Variants in TNNT3 observed in about 807,000 individuals in gnomAD.
TNNT3 encodes troponin T3, fast skeletal type, also known as troponin T, fast skeletal muscle.
In TNNT3, 36 loss-of-function variants were observed where a neutral mutation model predicts 54.2. The observed-to-expected ratio is 0.66, with a 90% CI of 0.51 to 0.88. The LOEUF is 0.88. Ranked by LOEUF, TNNT3 falls within the 40% of genes least tolerant of loss-of-function variation. The pLI, the probability that TNNT3 is intolerant of heterozygous loss-of-function variation, is 0.00. For missense variants in TNNT3, 291 were observed against 331.6 expected (o/e 0.88, Z 0.95); for synonymous variants, 120 against 109.7 (o/e 1.09, Z -0.59).
intron 8 of TNNT3, among the ~76,000 whole-genome samples, chr11:1,930,796 G>C (rs1853151933): frequency 6.6e-6 from 1 of 152,102 alleles, no homozygotes; most frequent in Admixed American, 6.5e-5. Context: ...AGTAATGCTG[G>C]ATCATGAGAT....
rs1854065292 is a variant in TNNT3, at chr11:1,933,619, C to T, written c.172-102C>T. The T allele has an allele frequency of 1.2e-5, 11 of 905,222 alleles. No individual in the cohort carries two copies. In the Admixed American group the frequency reaches 2.1e-4, roughly 17 times the overall value. 56.1% of individuals were successfully genotyped at this position (905,222 alleles called of 1,614,324 possible). ...ATGGTGGCCAAGGGAGTCAGGGCTTCTCTGCTGGGGCAAAGGAAGGGACCT... is the reference window on the plus strand; with the variant it reads ...ATGGTGGCCAAGGGAGTCAGGGCTTTTCTGCTGGGGCAAAGGAAGGGACCT... On this transcript the variant is annotated intron_variant, in intron 9 of 15. Transcript: ENST00000278317.
chr11:1,924,702 G>A (rs1388057986), intron 4 of TNNT3, among the ~76,000 whole-genome samples: 1 of 152,182 alleles, frequency 6.6e-6, no homozygotes, highest in Non-Finnish European at 1.5e-5. Flanking sequence ...TGCACTCAGA[G>A]CCGGGGCTTC....
In TNNT3 at chr11:1,929,234, G is replaced by T. The variant is rs1852567148; in HGVS notation, c.106+91G>T. ...ACAGGCTGGGGTCTCTCGCTGCCCTGCCTCCTCCTCCCTCTGTCCTCTTTC... is the reference window on the plus strand; with the variant it reads ...ACAGGCTGGGGTCTCTCGCTGCCCTTCCTCCTCCTCCCTCTGTCCTCTTTC... On this transcript the variant is annotated intron_variant, in intron 7 of 15. Coordinates refer to ENST00000278317, the MANE Select transcript of TNNT3 (RefSeq NM_006757.4). 4 of 1,442,432 alleles carry T rather than the reference G, an allele frequency of 2.8e-6. No individual in the cohort carries two copies. In the South Asian group the frequency reaches 4.6e-5, roughly 16 times the overall value. 89.4% of individuals were successfully genotyped at this position (1,442,432 alleles called of 1,614,324 possible).
rs1219819480 is a variant in TNNT3 at position 1,938,076 on chromosome 11, G to A, written c.723-362G>A. Reference sequence around the variant, plus strand: ...GCTCCTGGGCCCCTCAGAGGCCACCGTCTGGAGGGGCATGAGCTCTTTCAA... The same window carrying A: ...GCTCCTGGGCCCCTCAGAGGCCACCATCTGGAGGGGCATGAGCTCTTTCAA... On this transcript the variant is annotated intron_variant, in intron 15 of 15. Coordinates refer to ENST00000278317, the MANE Select transcript of TNNT3 (RefSeq NM_006757.4). The A allele has an allele frequency of 2.3e-5, 8 of 344,814 alleles. No homozygotes were observed. The East Asian group carries it at 4.5e-4, about 19-fold the overall frequency. The allele number at this position is 344,814 out of a possible 1,614,324, so 21.4% of individuals were successfully genotyped here. A position where few individuals can be genotyped will look rare whatever the true frequency, so the allele number is the denominator to read the frequency against.
chr11:1,936,522 C>T (rs1238223408), intron 14 of TNNT3, among the ~76,000 whole-genome samples: 1 of 152,186 alleles, frequency 6.6e-6, no homozygotes, highest in East Asian at 1.9e-4. Context: ...GGCACAGGCA[C>T]GAGGGCGGGA....
intron 6 of TNNT3, 192 bp from the exon 7 acceptor site, chr11:1,928,928 C>T (rs1176240705): frequency 1.4e-6 from 1 of 700,298 alleles, no homozygotes; most frequent in African/African-American, 1.7e-5. Flanking sequence ...CCTTCCACCC[C>T]CTCCCCAGGC....
chr11:1,926,956 T>C lies in TNNT3; in HGVS notation c.82+247T>C, dbSNP rs7125631. ...AGCCTGGGGACAATGAGGCCCTTCCTGGGCTGCCAACAGGAAGGTGGGAGG... is the reference window on the plus strand; with the variant it reads ...AGCCTGGGGACAATGAGGCCCTTCCCGGGCTGCCAACAGGAAGGTGGGAGG... On this transcript the variant is annotated intron_variant, in intron 6 of 15. Transcript: ENST00000278317. Among the ~76,000 whole-genome samples the C allele has an allele frequency of 0.34, 52,361 of 152,028 alleles. 9,204 individuals carry two copies. The highest frequency in any genetic ancestry group is 0.5 in the South Asian group (2,433 of 4,822).
intron 1 of TNNT3, among the ~76,000 whole-genome samples, chr11:1,922,048 G>T (rs146866277): frequency 1.3e-5 from 2 of 152,232 alleles, no homozygotes; most frequent in Non-Finnish European, 2.9e-5. Context: ...GAGGGAAATG[G>T]GGGGGCTGTT....
intron 2 of TNNT3, 22 bp downstream of exon 2, chr11:1,922,913 GC>G: frequency 1.9e-6 from 3 of 1,613,674 alleles, no homozygotes; most frequent in South Asian, 2.2e-5. Flanking sequence ...GCTGGTGGCT[GC>G]CCCCTGCCTG....
intron 6 of TNNT3, among the ~76,000 whole-genome samples, 171 bp downstream of exon 6, chr11:1,926,880 G>A (rs1405806999): frequency 6.6e-6 from 1 of 152,230 alleles, no homozygotes; most frequent in African/African-American, 2.4e-5. Flanking sequence ...GGGCTGGCCG[G>A]TACAGTGCAG....
rs551636685 is a variant in TNNT3, at chr11:1,924,459, T to C, written c.50-640T>C. On this transcript the variant is annotated intron_variant, in intron 4 of 15. Coordinates refer to ENST00000278317, the MANE Select transcript of TNNT3 (RefSeq NM_006757.4). ...GCAGGCAGGGCTGTCCTGTGAGGAGTCCTGAGTGCTATGTTTTGAAAATAT... is the reference window on the plus strand; with the variant it reads ...GCAGGCAGGGCTGTCCTGTGAGGAGCCCTGAGTGCTATGTTTTGAAAATAT... Among the ~76,000 whole-genome samples the C allele has an allele frequency of 8.5e-5, 13 of 152,204 alleles. No homozygotes were observed. In the South Asian group the frequency reaches 2.3e-3, roughly 27 times the overall value.
At chr11:1,922,922 C>T (rs537043308) in intron 2 of TNNT3, 31 bp downstream of exon 2, 1 of 1,613,716 alleles carries the variant, frequency 6.2e-7, no homozygotes, top group African/African-American at 1.3e-5. Flanking sequence ...TGCCCCCTGC[C>T]TGGCTCGGGA....
intron 7 of TNNT3, 139 bp from the exon 8 acceptor site, chr11:1,929,671 G>T: frequency 3.3e-6 from 3 of 909,500 alleles, no homozygotes; most frequent in South Asian, 1.4e-5. Flanking sequence ...GGGGGTTGGG[G>T]GTACTCCCAG....
At chr11:1,931,817 G>A (rs1292089981) in intron 8 of TNNT3, among the ~76,000 whole-genome samples, 1 of 150,100 alleles carries the variant, frequency 6.7e-6, no homozygotes, top group Non-Finnish European at 1.5e-5. Flanking sequence ...CCTGAGCTTA[G>A]GAAACCCTTT....
intron 8 of TNNT3, among the ~76,000 whole-genome samples, chr11:1,930,739 G>A (rs376854648): frequency 6.6e-6 from 1 of 152,090 alleles, no homozygotes; most frequent in East Asian, 1.9e-4. Flanking sequence ...GGGTACAGCC[G>A]GCGTATTCCC....
At position 1,929,790 on chromosome 11, in the gene TNNT3, G is replaced by T. The variant is rs754605874; in HGVS notation, c.107-20G>T. The T allele has an allele frequency of 6.4e-7, 1 of 1,551,920 alleles. No individual in the cohort carries two copies. Among genetic ancestry groups the T allele is most frequent in the Non-Finnish European group, 8.7e-7 (1 of 1,147,220 alleles). ...CCCACGCTGGTGTCCCTCTCCCTAC[G>T]CTGGTGCTGTGTGGACCAGAGGAGA... On this transcript the variant is annotated intron_variant, in intron 7 of 15. Coordinates refer to ENST00000278317, the MANE Select transcript of TNNT3 (RefSeq NM_006757.4).
chr11:1,929,138 C>T lies in TNNT3; in HGVS notation c.101C>T (p.Ala34Val), dbSNP rs757234740. ...CTGGAAGACACCGCAGAGGAGGACGCGGAAGGTAAGGGCCCGTCCCTGCCG... is the reference window on the plus strand; with the variant it reads ...CTGGAAGACACCGCAGAGGAGGACGTGGAAGGTAAGGGCCCGTCCCTGCCG... Reference protein sequence around the residue: ...EVQEDTAEEDAEEEKPRPKLT... With the variant: ...EVQEDTAEEDVEEEKPRPKLT... The change falls in exon 7 of 16, where the codon GCG becomes GTG. Residue 34 changes from alanine to valine, a missense_variant. Coordinates refer to ENST00000278317, the MANE Select transcript of TNNT3 (RefSeq NM_006757.4). The T allele has an allele frequency of 3.7e-5, 60 of 1,612,968 alleles. No individual in the cohort carries two copies. The highest frequency in any genetic ancestry group is 1.6e-4 in the Middle Eastern group (1 of 6,084).
At chr11:1,925,546 T>A (rs567352431) in intron 5 of TNNT3, among the ~76,000 whole-genome samples, 166 of 152,052 alleles carry the variant, frequency 1.1e-3, no homozygotes, top group East Asian at 6.4e-3. Flanking sequence ...GGGCTGCTGG[T>A]CAGCAGGGTG....
intron 6 of TNNT3, among the ~76,000 whole-genome samples, chr11:1,928,274 C>T (rs1271007524): frequency 6.6e-6 from 1 of 152,174 alleles, no homozygotes; most frequent in African/African-American, 2.4e-5. Flanking sequence ...CGGCAGACCC[C>T]CCTCCTGGGC....
Sources: allele counts gnomAD v4.1 joint callset (sites outside exome capture counted in the v4.1 genomes callset), GRCh38; gene constraint gnomAD v4.1.1; transcripts MANE v1.5; gene names NCBI Gene and HGNC (gene_info 2026-07-23, HGNC 2026-07-21).